The following ERBB2 variants were observed in gnomAD, a reference collection of about 807,000 sequenced individuals.
ERBB2 encodes receptor tyrosine-protein kinase erbB-2.
ERBB2 carries 61 observed loss-of-function variants against 149.0 expected under a neutral mutation model. The ratio of observed to expected loss-of-function variants is 0.41; its 90% CI spans 0.33 to 0.51. The LOEUF is 0.51. Ranked by LOEUF, ERBB2 falls within the 20% of genes least tolerant of loss-of-function variation. ERBB2 has a pLI of 0.25. For missense variants in ERBB2, 1,205 were observed against 1,655.1 expected, an observed-to-expected ratio of 0.73 and a Z score of 4.72; for synonymous variants, 633 against 678.8, an observed-to-expected ratio of 0.93 and a Z score of 1.05.
rs2143311226 is a variant in ERBB2, at chr17:39,727,919, C to T, written c.3643C>T (p.Pro1215Ser). Reference protein sequence around the residue: ...PQPHPPPAFSPAFDNLYYWDQ... With the variant: ...PQPHPPPAFSSAFDNLYYWDQ... The stretch of plus-strand genomic sequence containing the variant: ...GCCCCACCCTCCTCCTGCCTTCAGC[C>T]CAGCCTTCGACAACCTCTATTACTG... Residue 1215 changes from proline to serine, a missense_variant, in exon 27 of 27, where the codon CCA (proline) becomes TCA (serine). By Grantham distance (74) the Pro-to-Ser change is moderately conservative. Around this residue, in one of 6 missense-constraint regions of ERBB2, gnomAD observed 312 missense variants for 343.8 expected, o/e 0.91. Coordinates refer to ENST00000269571, the MANE Select transcript of ERBB2 (RefSeq NM_004448.4). The surrounding 1 kb of genome is among the most constrained non-coding windows in gnomAD (Gnocchi z 4.3). 1 of 1,614,188 alleles carries T rather than the reference C, an allele frequency of 6.2e-7. No individual in the cohort carries two copies. The highest frequency in any genetic ancestry group is 1.7e-5 in the Admixed American group (1 of 60,030).
chr17:39,717,274 G>T (rs2145703280), intron 14 of ERBB2, 46 bp from the exon 15 acceptor site: 1 of 1,523,558 alleles, frequency 6.6e-7, no homozygotes, highest in Non-Finnish European at 9.0e-7. Flanking sequence ...TACTGCCCTG[G>T]GGGTGTCAGT....
At chr17:39,701,042 A>C (rs950939777) in intron 1 of ERBB2, among the ~76,000 whole-genome samples, 1 of 151,760 alleles carries the variant, frequency 6.6e-6, no homozygotes, top group African/African-American at 2.4e-5. Flanking sequence ...CTTGGGGTGT[A>C]AAGTGGGAGA....
At chr17:39,692,289 A>G (rs2057729782), upstream of ERBB2, among the ~76,000 whole-genome samples, 1 of 152,094 alleles carries the variant, frequency 6.6e-6, no homozygotes, top group Non-Finnish European at 1.5e-5. Context: ...TGCGCGTAGT[A>G]TTATGGTTGT....
chr17:39,717,666 C>T (rs866671473), intron 15 of ERBB2, 186 bp downstream of exon 15: 1 of 508,636 alleles, frequency 2.0e-6, no homozygotes, highest in Admixed American at 3.7e-5. Context: ...CAGTTCTATC[C>T]CCACTGTTAA....
At position 39,726,677 on chromosome 17, in the gene ERBB2, C is replaced by T. The variant is rs558112059; in HGVS notation, c.2970+18C>T. 6.0e-5 allele frequency: 97 copies of T among 1,611,762 alleles called. No individual in the cohort carries two copies. The South Asian group carries it at 1.0e-3, about 17-fold the overall frequency. On this transcript the variant is annotated intron_variant, in intron 24 of 26. Transcript: ENST00000269571. This position sits in a 1 kb window ranked among gnomAD's most constrained non-coding sequence, Gnocchi z 5.1. Reference sequence around the variant, plus strand: ...TCATCCAGGTACTGGGCCTCTGTGCCCCATCCCTGCCTGTGGCTAAGAGCA... The same window carrying T: ...TCATCCAGGTACTGGGCCTCTGTGCTCCATCCCTGCCTGTGGCTAAGAGCA...
At chr17:39,703,722 G>A (rs1287020018) in intron 1 of ERBB2, among the ~76,000 whole-genome samples, 1 of 152,230 alleles carries the variant, frequency 6.6e-6, no homozygotes, top group African/African-American at 2.4e-5. Context: ...CTGAGCTAGG[G>A]TTCTCAACTA....
intron 14 of ERBB2, 65 bp downstream of exon 14, chr17:39,716,670 G>T: frequency 7.0e-7 from 1 of 1,434,154 alleles, no homozygotes; most frequent in South Asian, 1.2e-5. Context: ...CAGGGACTTG[G>T]CAGGATGGCG....
rs758947804 is a variant in ERBB2, at chr17:39,715,369, GTCTC to G, written c.1222+12_1222+15del. Reference sequence around the variant, plus strand: ...CTGGAAGAGATCACAGGTGGGCTCTGTCTCTGCATCCTGTTCTGCAGGGGCTGGG... The same window carrying G: ...CTGGAAGAGATCACAGGTGGGCTCTGTGCATCCTGTTCTGCAGGGGCTGGG... On this transcript the variant is annotated intron_variant, in intron 10 of 26. Coordinates refer to ENST00000269571, the MANE Select transcript of ERBB2 (RefSeq NM_004448.4). 4.3e-5 allele frequency: 70 copies of G among 1,613,996 alleles called. No individual in the cohort carries two copies. The South Asian group carries it at 6.9e-4, about 16-fold the overall frequency.
chr17:39,724,927 CT>C lies in ERBB2; in HGVS notation c.2493+19del, dbSNP rs778120741. ...GATTGCCAAGGTATGCACCTGGGCT[CT>C]TTGCAGGTCTCTCCGGAGCAAACCC... is the stretch of plus-strand genomic sequence containing the variant. On this transcript the variant is annotated intron_variant, in intron 20 of 26. Coordinates refer to ENST00000269571, the MANE Select transcript of ERBB2 (RefSeq NM_004448.4). 4 of 1,611,868 alleles carry C rather than the reference CT, an allele frequency of 2.5e-6. No homozygotes were observed. The African/African-American group carries it at 4.0e-5, about 16-fold the overall frequency.
intron 7 of ERBB2, among the ~76,000 whole-genome samples, chr17:39,711,587 A>G (rs761165190): frequency 5.3e-5 from 8 of 152,226 alleles, no homozygotes; most frequent in Non-Finnish European, 1.2e-4. Flanking sequence ...TCACAGGAAC[A>G]GGAGTGGGCC....
chr17:39,704,275 C>T (rs1331069670), intron 1 of ERBB2, among the ~76,000 whole-genome samples: 2 of 152,082 alleles, frequency 1.3e-5, no homozygotes, highest in African/African-American at 4.8e-5. Context: ...TAGGACCTAC[C>T]CCCCAGGAAA....
Position 39,727,269 on chromosome 17 carries a change from A to G in ERBB2, c.3160-26A>G, listed in dbSNP as rs553124221. 1 of 1,610,534 alleles carries G rather than the reference A, an allele frequency of 6.2e-7. No individual in the cohort carries two copies. Among genetic ancestry groups the G allele is most frequent in the South Asian group, 1.1e-5 (1 of 90,688 alleles). ...CATCCCAGATCCGTGAGTGACCCCC[A>G]TCATGACTTTCTTTCTTGTCCCCAG... On this transcript the variant is annotated intron_variant, in intron 25 of 26. Transcript: ENST00000269571. The surrounding 1 kb of genome is among the most constrained non-coding windows in gnomAD (Gnocchi z 4.3).
rs755356658 is a variant in ERBB2, at chr17:39,726,443, C to G, written c.2873-119C>G. On this transcript the variant is annotated intron_variant, in intron 23 of 26. Transcript: ENST00000269571. This position sits in a 1 kb window ranked among gnomAD's most constrained non-coding sequence, Gnocchi z 5.1. ...GAGTCTGGTGCTACTTCTCTACCAC[C>G]TGAGGGCTTTGGGCTGTCCCTTGGG... is the stretch of plus-strand genomic sequence containing the variant. 2.6e-6 allele frequency: 2 copies of G among 770,290 alleles called. No individual in the cohort carries two copies. Among genetic ancestry groups the G allele is most frequent in the African/African-American group, 3.4e-5 (2 of 58,172 alleles). The allele number at this position is 770,290 out of a possible 1,614,324, so 47.7% of individuals were successfully genotyped here. A position where few individuals can be genotyped will look rare whatever the true frequency, so the allele number is the denominator to read the frequency against.
chr17:39,695,233 A>C (rs1161882760), upstream of ERBB2: 2 of 152,316 alleles, frequency 1.3e-5, no homozygotes, highest in Admixed American at 1.3e-4. Flanking sequence ...CAGCCTGGGG[A>C]GAGATAAAAG....
chr17:39,703,793 G>A (rs1479784965), intron 1 of ERBB2, among the ~76,000 whole-genome samples: 2 of 152,354 alleles, frequency 1.3e-5, no homozygotes, highest in South Asian at 2.1e-4. Flanking sequence ...GTTTGTGGTC[G>A]GGGAATCCCA....
chr17:39,712,290 G>T (rs907714582), intron 8 of ERBB2, 32 bp from the exon 9 acceptor site: 2 of 1,612,620 alleles, frequency 1.2e-6, no homozygotes, highest in Non-Finnish European at 1.7e-6. Flanking sequence ...AGGCTGAGAC[G>T]GCCCCTTCCC....
upstream of ERBB2, among the ~76,000 whole-genome samples, chr17:39,698,174 A>G (rs2057911929): frequency 6.6e-6 from 1 of 152,074 alleles, no homozygotes; most frequent in Admixed American, 6.6e-5. Flanking sequence ...AGTATGTCAG[A>G]TGCTGTTTTA....
chr17:39,691,475 T>C (rs1567885698), upstream of ERBB2, among the ~76,000 whole-genome samples: 1 of 150,314 alleles, frequency 6.7e-6, no homozygotes, highest in East Asian at 1.9e-4. Flanking sequence ...ACCAGGGAGT[T>C]GGAGGTTGCA....
rs1451069228 is a variant in ERBB2 at position 39,710,336 on chromosome 17, C to A, written c.760-4C>A. The A allele has an allele frequency of 6.2e-7, 1 of 1,614,120 alleles. No individual in the cohort carries two copies. Among genetic ancestry groups the A allele is most frequent in the Admixed American group, 1.7e-5 (1 of 60,024 alleles). On this transcript the variant is annotated splice_region_variant and splice_polypyrimidine_tract_variant and intron_variant, in intron 6 of 26. Coordinates refer to ENST00000269571, the MANE Select transcript of ERBB2 (RefSeq NM_004448.4). ...CAGTGAAAGCCAGCCACCTGTCCCC[C>A]CAGGCCTGCCTCCACTTCAACCACA...
Sources: allele counts gnomAD v4.1 joint callset (sites outside exome capture counted in the v4.1 genomes callset), GRCh38; gene constraint gnomAD v4.1.1; regional missense constraint gnomAD v4.1.1; non-coding constraint Gnocchi (gnomAD v3.1); transcripts MANE v1.5; gene names NCBI Gene and HGNC (gene_info 2026-07-23, HGNC 2026-07-21).